MRPL48: variants seen among roughly 807,000 people sequenced by gnomAD.
MRPL48 encodes mitochondrial ribosomal protein L48.
Under a neutral mutation model 32.9 loss-of-function variants are expected in MRPL48, and 16 were observed. The observed-to-expected ratio is 0.49, with a 90% CI of 0.33 to 0.74. MRPL48 has a LOEUF of 0.74. Ranked by LOEUF, MRPL48 falls within the 30% of genes least tolerant of loss-of-function variation. The probability of loss-of-function intolerance (pLI) is 0.02; values close to 1 mark genes in which losing one functional copy is unlikely to be tolerated. For missense variants in MRPL48, 206 were observed against 245.3 expected (o/e 0.84, Z 1.07); for synonymous variants, 94 against 89.2 (o/e 1.05, Z -0.31).
At chr11:73,825,567 G>A (rs939758574) in intron 3 of MRPL48, 141 bp from the exon 4 acceptor site, 3 of 671,994 alleles carry the variant, frequency 4.5e-6, no homozygotes, top group African/African-American at 1.8e-5. Context: ...AGACTGTCTT[G>A]TACCAGAAGT....
chr11:73,798,386 G>A (rs1361963682), intron 1 of MRPL48, among the ~76,000 whole-genome samples: 9 of 152,162 alleles, frequency 5.9e-5, no homozygotes, highest in East Asian at 5.8e-4. Context: ...GAGCCACCTC[G>A]CCCGGCCAAC....
intron 7 of MRPL48, 116 bp downstream of exon 7, chr11:73,863,377 A>C (rs17244671): frequency 0.042 from 37,096 of 873,816 alleles, 1,039 homozygotes; most frequent in Middle Eastern, 0.068. Flanking sequence ...AATGTGACCT[A>C]AATAATAATC....
chr11:73,836,919 T>C lies in MRPL48; in HGVS notation c.202-7888T>C, dbSNP rs537766201. Among the ~76,000 whole-genome samples the C allele has an allele frequency of 3.9e-5, 6 of 152,332 alleles. 1 individual carries two copies. The East Asian group carries it at 9.6e-4, about 24-fold the overall frequency. On this transcript the variant is annotated intron_variant, in intron 4 of 7. Transcript: ENST00000310614. ...TTCCATCTAAGTCTAGTGCACTTTA[T>C]ATAGCATCAGGCCATGCCTCCTTGC...
intron 5 of MRPL48, among the ~76,000 whole-genome samples, chr11:73,849,880 T>C (rs929581331): frequency 1.3e-5 from 2 of 152,194 alleles, no homozygotes; most frequent in African/African-American, 4.8e-5. Flanking sequence ...CATGGACTGC[T>C]TGAACTCAGG....
rs946056253 is a variant in MRPL48, at chr11:73,800,781, C to G, written c.22-4246C>G. Reference sequence around the variant, plus strand: ...TTCATACCATAATTTGAATGTCTTCCAGAAAGTTGTCAACTCTTTTTTCTT... The same window carrying G: ...TTCATACCATAATTTGAATGTCTTCGAGAAAGTTGTCAACTCTTTTTTCTT... On this transcript the variant is annotated intron_variant, in intron 1 of 7. Transcript: ENST00000310614. 2.0e-5 allele frequency among the ~76,000 whole-genome samples: 3 copies of G among 151,564 alleles called. No individual in the cohort carries two copies. In the South Asian group the frequency reaches 6.3e-4, roughly 32 times the overall value.
chr11:73,792,794 A>G (rs1265292180), intron 1 of MRPL48, among the ~76,000 whole-genome samples: 1 of 152,220 alleles, frequency 6.6e-6, no homozygotes, highest in Non-Finnish European at 1.5e-5. Context: ...ATGAGGAACC[A>G]AACAATTACC....
rs1591018450 is a variant in MRPL48, at chr11:73,865,066, C to G, written c.*696C>G. ...TTGGCCTCCCAAAGTGCTGGGATTA[C>G]AGGTGTGAGCCACTGCACCCAGCCA... On this transcript the variant is annotated 3_prime_UTR_variant, in exon 8 of 8. Coordinates refer to ENST00000310614, the MANE Select transcript of MRPL48 (RefSeq NM_016055.6). The G allele has an allele frequency of 6.6e-6, 1 of 152,522 alleles. No homozygotes were observed. The highest frequency in any genetic ancestry group is 2.4e-5 in the African/African-American group (1 of 41,452). 9.4% of individuals were successfully genotyped at this position (152,522 alleles called of 1,614,324 possible).
chr11:73,800,479 T>C (rs1363569761), intron 1 of MRPL48, among the ~76,000 whole-genome samples: 1 of 152,178 alleles, frequency 6.6e-6, no homozygotes, highest in African/African-American at 2.4e-5. Flanking sequence ...TTTTGCCCTG[T>C]GACTTCAGTT....
At chr11:73,854,323 G>A (rs184323002) in intron 5 of MRPL48, among the ~76,000 whole-genome samples, 3 of 152,228 alleles carry the variant, frequency 2.0e-5, no homozygotes, top group Admixed American at 6.5e-5. Context: ...TTGCTCTGTC[G>A]CCCAGGCTGG....
chr11:73,832,288 A>G (rs1449574048), intron 4 of MRPL48: 2 of 152,184 alleles, frequency 1.3e-5, no homozygotes, highest in African/African-American at 4.8e-5. Flanking sequence ...TGCTGTTTTT[A>G]GTGTTGATAG....
chr11:73,863,136 C>T (rs1809542951), intron 6 of MRPL48, 36 bp from the exon 7 acceptor site: 1 of 1,543,354 alleles, frequency 6.5e-7, no homozygotes, highest in Non-Finnish European at 8.8e-7. Context: ...TTTTCAGCTC[C>T]TCCCACCTCT....
chr11:73,805,122 C>T (rs1190301718), intron 2 of MRPL48, 43 bp downstream of exon 2: 2 of 1,495,038 alleles, frequency 1.3e-6, no homozygotes, highest in East Asian at 2.5e-5. Context: ...GTAACATTTG[C>T]CTTTGGCTTC....
intron 3 of MRPL48, among the ~76,000 whole-genome samples, chr11:73,810,565 T>A (rs2134974806): frequency 6.6e-6 from 1 of 152,118 alleles, no homozygotes; most frequent in East Asian, 1.9e-4. Context: ...CTTTATTTTT[T>A]TTTTTTTATT....
intron 6 of MRPL48, among the ~76,000 whole-genome samples, chr11:73,862,390 C>A (rs954866949): frequency 6.6e-6 from 1 of 152,062 alleles, no homozygotes; most frequent in African/African-American, 2.4e-5. Context: ...CCATTGCACT[C>A]CAGCCTGGGC....
chr11:73,831,716 G>C (rs2135024686), intron 4 of MRPL48, among the ~76,000 whole-genome samples: 1 of 152,090 alleles, frequency 6.6e-6, no homozygotes, highest in Middle Eastern at 3.4e-3. Context: ...CGAGGGGGGA[G>C]GATCACCTGA....
At chr11:73,809,498 C>T (rs112156403) in intron 3 of MRPL48, among the ~76,000 whole-genome samples, 14,129 of 136,170 alleles carry the variant, frequency 0.1, 795 homozygotes, top group South Asian at 0.28. Context: ...AGCGAGACTC[C>T]GTCTCAAAAA....
At chr11:73,800,317 CAA>C (rs1191829951) in intron 1 of MRPL48, among the ~76,000 whole-genome samples, 2 of 151,990 alleles carry the variant, frequency 1.3e-5, no homozygotes, top group Non-Finnish European at 2.9e-5. Flanking sequence ...ATGGTAGTAA[CAA>C]TGCTATTTTA....
In MRPL48 at chr11:73,863,177, C is replaced by G. The variant is rs868841625; in HGVS notation, c.480C>G (p.Ser160Arg). 6.3e-7 allele frequency: 1 copy of G among 1,580,926 alleles called. No homozygotes were observed. The highest frequency in any genetic ancestry group is 2.3e-5 in the East Asian group (1 of 43,712). ...LTTHERVVQI[S>R]GLSATFAEIF... ...CACCTTCTTTCATTTTGCAGATCAG[C>G]GGTTTGAGTGCTACGTTTGCAGAAA... The change falls in exon 7 of 8, where the codon AGC becomes AGG. Residue 160 changes from serine (S) to arginine (R), a missense_variant. Ser to Arg is a moderately radical substitution (Grantham distance 110). Coordinates refer to ENST00000310614, the MANE Select transcript of MRPL48 (RefSeq NM_016055.6).
At chr11:73,839,409 A>G (rs1033475645) in intron 4 of MRPL48, among the ~76,000 whole-genome samples, 1 of 152,186 alleles carries the variant, frequency 6.6e-6, no homozygotes, top group Non-Finnish European at 1.5e-5. Context: ...AAGACTTACT[A>G]TAAATCTCCA....
Sources: allele counts gnomAD v4.1 joint callset (sites outside exome capture counted in the v4.1 genomes callset), GRCh38; gene constraint gnomAD v4.1.1; transcripts MANE v1.5; gene names NCBI Gene and HGNC (gene_info 2026-07-23, HGNC 2026-07-21).